The following NTM variants were observed in gnomAD, a reference collection of about 807,000 sequenced individuals.
NTM encodes the protein IgLON family member 2.
A neutral mutation model predicts 42.1 loss-of-function variants in NTM; 13 were observed. That is an observed-to-expected ratio of 0.31 (90% CI 0.20 to 0.49). NTM has a LOEUF of 0.49. Among genes scored for constraint, NTM ranks in the 20% least tolerant of loss-of-function variants. The pLI is 0.99. For missense variants in NTM, 373 were observed against 452.8 expected, an observed-to-expected ratio of 0.82 and a Z score of 1.60; for synonymous variants, 187 against 179.2, an observed-to-expected ratio of 1.04 and a Z score of -0.35.
intron 1 of NTM, among the ~76,000 whole-genome samples, chr11:131,873,696 C>CAT (rs376831306): frequency 0.045 from 5,575 of 124,390 alleles, 616 homozygotes; most frequent in East Asian, 0.2. Flanking sequence ...TATATACACA[C>CAT]ATATATATAT....
chr11:131,607,534 C>T (rs2061076289), intron 1 of NTM, among the ~76,000 whole-genome samples: 1 of 152,170 alleles, frequency 6.6e-6, no homozygotes, highest in South Asian at 2.1e-4. Flanking sequence ...CCATTTCTTT[C>T]TTCCCTCAAT....
At chr11:132,067,625 G>A (rs1252029980) in intron 2 of NTM, among the ~76,000 whole-genome samples, 1 of 152,216 alleles carries the variant, frequency 6.6e-6, no homozygotes, top group African/African-American at 2.4e-5. Context: ...GGAAGAAAAG[G>A]TTACCCAGAC....
intron 1 of NTM, among the ~76,000 whole-genome samples, chr11:131,375,763 C>T (rs1260805712): frequency 4.6e-5 from 7 of 151,980 alleles, no homozygotes; most frequent in Non-Finnish European, 7.4e-5. Flanking sequence ...TGATTTTGGT[C>T]GGTAACCTCT....
intron 2 of NTM, among the ~76,000 whole-genome samples, chr11:132,026,738 T>C (rs908964040): frequency 2.6e-5 from 4 of 152,202 alleles, no homozygotes; most frequent in East Asian, 3.9e-4. Context: ...TGGGTTTTGA[T>C]TGGAGGAGAA....
chr11:131,967,831 T>C (rs2134627780), intron 2 of NTM, among the ~76,000 whole-genome samples: 1 of 152,286 alleles, frequency 6.6e-6, no homozygotes, highest in South Asian at 2.1e-4. Flanking sequence ...CTGGTTTCTA[T>C]CTGAACTGTG....
chr11:131,415,901 G>A (rs1326452711), intron 1 of NTM, among the ~76,000 whole-genome samples: 1 of 152,172 alleles, frequency 6.6e-6, no homozygotes, highest in Admixed American at 6.5e-5. Context: ...GTGGGCACAG[G>A]AGGTAGTAGG....
intron 6 of NTM, among the ~76,000 whole-genome samples, chr11:132,313,924 T>G (rs560906409): frequency 3.9e-5 from 6 of 152,046 alleles, no homozygotes; most frequent in African/African-American, 7.2e-5. Context: ...AGACTAATCC[T>G]CTATAACAGT....
chr11:132,282,787 T>G (rs963305847), intron 4 of NTM, among the ~76,000 whole-genome samples: 3 of 152,080 alleles, frequency 2.0e-5, no homozygotes, highest in Admixed American at 2.0e-4. Flanking sequence ...CACAAAATCT[T>G]CTTACAATCT....
intron 1 of NTM, among the ~76,000 whole-genome samples, chr11:131,763,356 T>C (rs1446563699): frequency 2.0e-5 from 3 of 152,214 alleles, no homozygotes; most frequent in African/African-American, 7.2e-5. Context: ...TAATATTCTC[T>C]ACCCTGGCAA....
chr11:131,380,086 C>G (rs1942460178), intron 1 of NTM, among the ~76,000 whole-genome samples: 1 of 152,166 alleles, frequency 6.6e-6, no homozygotes, highest in Admixed American at 6.5e-5. Context: ...GTTGCTCCCT[C>G]TGTAAAGCAC....
intron 1 of NTM, among the ~76,000 whole-genome samples, chr11:131,398,690 A>G (rs1053405991): frequency 1.3e-5 from 2 of 152,116 alleles, no homozygotes; most frequent in Non-Finnish European, 2.9e-5. Flanking sequence ...TGTTATGATT[A>G]TTTCCTTACA....
intron 1 of NTM, among the ~76,000 whole-genome samples, chr11:131,806,208 C>A (rs1279826286): frequency 2.0e-5 from 3 of 152,172 alleles, no homozygotes; most frequent in Non-Finnish European, 2.9e-5. Flanking sequence ...AGTGCAACAT[C>A]TTTGAAGAAA....
intron 2 of NTM, among the ~76,000 whole-genome samples, chr11:132,090,472 C>T (rs2060250546): frequency 1.3e-5 from 2 of 152,124 alleles, no homozygotes; most frequent in Non-Finnish European, 2.9e-5. Flanking sequence ...ACTTCATCTG[C>T]CCTCCGTTTT....
intron 3 of NTM, among the ~76,000 whole-genome samples, chr11:132,191,036 A>G (rs996333332): frequency 6.6e-6 from 1 of 152,192 alleles, no homozygotes; most frequent in Non-Finnish European, 1.5e-5. Context: ...GGAAGACCAC[A>G]GATGTAGTAA....
chr11:132,186,546 C>G (rs1479523637), intron 3 of NTM, among the ~76,000 whole-genome samples: 1 of 152,210 alleles, frequency 6.6e-6, no homozygotes, highest in Non-Finnish European at 1.5e-5. Context: ...CACGTGGCCA[C>G]TGCTTTAGAC....
chr11:131,695,125 T>G (rs1243642560), intron 1 of NTM, among the ~76,000 whole-genome samples: 1 of 152,164 alleles, frequency 6.6e-6, no homozygotes. Context: ...GAAAATGCTC[T>G]GGGCCACGGA....
chr11:131,796,097 G>A (rs1181442246), intron 1 of NTM: 15 of 985,270 alleles, frequency 1.5e-5, no homozygotes, highest in Middle Eastern at 5.2e-4. Flanking sequence ...TTATTTTCCC[G>A]GGGGAAATCT....
intron 4 of NTM, among the ~76,000 whole-genome samples, chr11:132,230,976 C>T (rs1186230358): frequency 6.6e-6 from 1 of 152,186 alleles, no homozygotes; most frequent in African/African-American, 2.4e-5. Context: ...CACACTACTG[C>T]ACTCCAGCCT....
chr11:131,798,342 C>A (rs1480295434), intron 1 of NTM, among the ~76,000 whole-genome samples: 2 of 152,134 alleles, frequency 1.3e-5, no homozygotes, highest in Admixed American at 6.5e-5. Context: ...TCTTCTCCTG[C>A]AAGGGAACAA....
Sources: allele counts gnomAD v4.1 joint callset (sites outside exome capture counted in the v4.1 genomes callset), GRCh38; gene constraint gnomAD v4.1.1; transcripts MANE v1.5; gene names NCBI Gene and HGNC (gene_info 2026-07-23, HGNC 2026-07-21).